ALPK1: variants seen among roughly 807,000 people sequenced by gnomAD.
ALPK1 encodes the protein alpha kinase 1, also known as alpha-protein kinase 1.
In ALPK1, 110 loss-of-function variants were observed where a neutral mutation model predicts 120.6. The ratio of observed to expected loss-of-function variants is 0.91; its 90% CI spans 0.78 to 1.07. ALPK1 has a LOEUF of 1.07. ALPK1 is among the 50% of genes least tolerant of loss of function. ALPK1 has a pLI of 0.00. For synonymous variants in ALPK1, 582 were observed against 560.3 expected, an observed-to-expected ratio of 1.04 and a Z score of -0.55; for missense variants, 1,498 against 1,483.9, an observed-to-expected ratio of 1.01 and a Z score of -0.16.
At chr4:112,314,230 CTGATGA>C (rs1728538054) in intron 1 of ALPK1, among the ~76,000 whole-genome samples, 1 of 152,150 alleles carries the variant, frequency 6.6e-6, no homozygotes, top group South Asian at 2.1e-4. Flanking sequence ...AAGTCCTCGT[CTGATGA>C]GGATGAGGAT....
At chr4:112,328,551 A>G (rs569898841) in intron 2 of ALPK1, among the ~76,000 whole-genome samples, 1 of 152,312 alleles carries the variant, frequency 6.6e-6, no homozygotes, top group African/African-American at 2.4e-5. Flanking sequence ...TTAGGGACCA[A>G]TTACCATCCT....
intron 2 of ALPK1, among the ~76,000 whole-genome samples, chr4:112,365,181 C>A (rs1400680719): frequency 2.6e-5 from 4 of 152,052 alleles, no homozygotes; most frequent in Non-Finnish European, 5.9e-5. Flanking sequence ...TTCTATTCAA[C>A]ATAGTGCTGG....
At chr4:112,369,959 C>T (rs1731329285) in intron 2 of ALPK1, among the ~76,000 whole-genome samples, 1 of 152,190 alleles carries the variant, frequency 6.6e-6, no homozygotes, top group African/African-American at 2.4e-5. Flanking sequence ...TTCTCCACAT[C>T]TTCTAGCTTG....
chr4:112,333,464 C>G (rs1355450733), intron 2 of ALPK1, among the ~76,000 whole-genome samples: 1 of 152,200 alleles, frequency 6.6e-6, no homozygotes, highest in Non-Finnish European at 1.5e-5. Flanking sequence ...TCTAATATTT[C>G]TATCTCTAAG....
chr4:112,422,194 T>A (rs1050331913), intron 5 of ALPK1, among the ~76,000 whole-genome samples: 3 of 152,234 alleles, frequency 2.0e-5, no homozygotes, highest in African/African-American at 7.2e-5. Context: ...TTAAAACTTA[T>A]GAATTGTTTA....
Position 112,431,357 on chromosome 4 carries a change from G to A in ALPK1, c.1810G>A (p.Asp604Asn), listed in dbSNP as rs377063660. Residue 604 changes from aspartate to asparagine, a missense_variant, in exon 11 of 16, where the codon GAC (aspartate) becomes AAC (asparagine). Transcript: ENST00000650871. ...SWEEVNYHVD[D>N]RSARKEPGKE... ...GGAGGAAGTGAATTATCACGTTGAC[G>A]ACAGGTCAGCCAGAAAAGAGCCTGG... is the stretch of plus-strand genomic sequence containing the variant. The A allele has an allele frequency of 2.7e-5, 44 of 1,614,196 alleles. No homozygotes were observed. Among genetic ancestry groups the A allele is most frequent in the Admixed American group, 1.8e-4 (11 of 60,030 alleles).
chr4:112,406,752 G>A (rs1007897751), intron 4 of ALPK1, among the ~76,000 whole-genome samples: 1 of 152,014 alleles, frequency 6.6e-6, no homozygotes, highest in African/African-American at 2.4e-5. Context: ...AAAATTCTCT[G>A]TCCTATCTTG....
chr4:112,357,254 C>T, intron 2 of ALPK1: 2 of 1,410,706 alleles, frequency 1.4e-6, no homozygotes, highest in East Asian at 2.3e-5. Context: ...CATCCAGCAT[C>T]TGGCAGGACG....
chr4:112,349,424 A>G (rs922978171), intron 2 of ALPK1, among the ~76,000 whole-genome samples: 1 of 152,206 alleles, frequency 6.6e-6, no homozygotes, highest in Non-Finnish European at 1.5e-5. Flanking sequence ...CTTTATTGAT[A>G]GCAATAATTG....
chr4:112,355,128 T>C (rs1730543166), intron 2 of ALPK1, among the ~76,000 whole-genome samples: 1 of 152,246 alleles, frequency 6.6e-6, no homozygotes, highest in African/African-American at 2.4e-5. Context: ...AGAATTATTC[T>C]CAGATACTTC....
chr4:112,401,730 T>C (rs111888207), intron 4 of ALPK1, among the ~76,000 whole-genome samples: 26 of 152,358 alleles, frequency 1.7e-4, no homozygotes, highest in African/African-American at 6.0e-4. Context: ...CCTATTTTAA[T>C]ACTGCTTTCT....
chr4:112,357,657 G>A, intron 2 of ALPK1: 23 of 1,607,602 alleles, frequency 1.4e-5, no homozygotes, highest in Non-Finnish European at 2.0e-5. Context: ...AGATCTGGGT[G>A]GGGATCATCC....
intron 1 of ALPK1, among the ~76,000 whole-genome samples, chr4:112,313,749 G>A (rs1316028456): frequency 2.0e-5 from 3 of 152,202 alleles, no homozygotes; most frequent in African/African-American, 7.2e-5. Flanking sequence ...AAGAAGAATT[G>A]ACGGCTGGAT....
Position 112,441,116 on chromosome 4 carries a change from G to C in ALPK1, c.3727+11G>C. The C allele has an allele frequency of 1.2e-6, 2 of 1,613,942 alleles. No homozygotes were observed. The highest frequency in any genetic ancestry group is 8.5e-7 in the Non-Finnish European group (1 of 1,179,872). On this transcript the variant is annotated intron_variant, in intron 15 of 15. Transcript: ENST00000650871. ...CAATGGAGAAACCATGTAAGTCATA[G>C]GCTGTATGGATTGGTAATGTGACAG...
rs752766651 is a variant in ALPK1 at position 112,430,466 on chromosome 4, T to C, written c.919T>C (p.Leu307=). The change falls in exon 11 of 16, where the codon TTA becomes CTA. Residue 307 remains leucine, a synonymous_variant. Transcript: ENST00000650871. ...TTCCCAGAATATCCGTGGCACGTGT[T>C]TATTGTCCTACAGTAGTTCAAATGA... ...LTAVNIRGTC[L]LSYSSSNDCP... The C allele has an allele frequency of 1.3e-6, 2 of 1,582,520 alleles. No homozygotes were observed. Among genetic ancestry groups the C allele is most frequent in the Non-Finnish European group, 1.7e-6 (2 of 1,161,938 alleles).
Position 112,438,488 on chromosome 4 carries a change from G to A in ALPK1, c.3193G>A (p.Val1065Ile), listed in dbSNP as rs1488965680. The A allele has an allele frequency of 1.2e-6, 2 of 1,612,950 alleles. No homozygotes were observed. Among genetic ancestry groups the A allele is most frequent in the African/African-American group, 2.7e-5 (2 of 74,830 alleles). The change falls in exon 13 of 16, where the codon GTT becomes ATT. Residue 1065 changes from valine (V) to isoleucine (I), a missense_variant. Coordinates refer to ENST00000650871, the MANE Select transcript of ALPK1 (RefSeq NM_025144.4). Reference sequence around the variant, plus strand: ...GTGGATTTTCTTTGTTCATAGGTATGTTGGGAAAGACTATAAGGAGCAGAA... The same window carrying A: ...GTGGATTTTCTTTGTTCATAGGTATATTGGGAAAGACTATAAGGAGCAGAA... ...LHQEEILGRY[V>I]GKDYKEQKGL...
chr4:112,344,188 AAG>A (rs1275895461), intron 2 of ALPK1, among the ~76,000 whole-genome samples: 1 of 152,238 alleles, frequency 6.6e-6, no homozygotes, highest in Non-Finnish European at 1.5e-5. Flanking sequence ...GTAAAAGAGA[AAG>A]AGTGAAATCC....
chr4:112,423,882 A>G, intron 5 of ALPK1, 62 bp from the exon 6 acceptor site: 1 of 1,533,608 alleles, frequency 6.5e-7, no homozygotes, highest in Non-Finnish European at 9.0e-7. Context: ...AACATGAACA[A>G]CTTGTAATTG....
Position 112,441,419 on chromosome 4 carries a change from C to A in ALPK1, c.*209C>A. ...CTGGGCATAAGTCCTGCAAGGAAAG[C>A]AACATGGAAAACAGCCCCAACTCAC... On this transcript the variant is annotated 3_prime_UTR_variant, in exon 16 of 16. Transcript: ENST00000650871. 1.6e-6 allele frequency: 1 copy of A among 615,458 alleles called. No individual in the cohort carries two copies. Among genetic ancestry groups the A allele is most frequent in the South Asian group, 1.9e-5 (1 of 51,916 alleles). The allele number at this position is 615,458 out of a possible 1,614,324, so 38.1% of individuals were successfully genotyped here. A position where few individuals can be genotyped will look rare whatever the true frequency, so the allele number is the denominator to read the frequency against.
Sources: allele counts gnomAD v4.1 joint callset (sites outside exome capture counted in the v4.1 genomes callset), GRCh38; gene constraint gnomAD v4.1.1; transcripts MANE v1.5; gene names NCBI Gene and HGNC (gene_info 2026-07-23, HGNC 2026-07-21).